MTUS1: variants seen among roughly 807,000 people sequenced by gnomAD.
MTUS1 encodes microtubule associated scaffold protein 1.
A neutral mutation model predicts 120.8 loss-of-function variants in MTUS1; 109 were observed. The ratio of observed to expected loss-of-function variants is 0.90; its 90% CI spans 0.77 to 1.06. MTUS1 has a LOEUF of 1.06. Ranked by LOEUF, MTUS1 falls within the 50% of genes least tolerant of loss-of-function variation. MTUS1 has a pLI of 0.00. For synonymous variants in MTUS1, 737 were observed against 550.5 expected, an observed-to-expected ratio of 1.34 and a Z score of -4.74; for missense variants, 2,210 against 1,486.3, an observed-to-expected ratio of 1.49 and a Z score of -8.01.
intron 2 of MTUS1, among the ~76,000 whole-genome samples, chr8:17,745,679 C>A (rs1388486566): frequency 1.3e-5 from 2 of 152,226 alleles, no homozygotes; most frequent in African/African-American, 4.8e-5. Context: ...TTCAATCCTT[C>A]CCCTGGGGGC....
chr8:17,745,665 A>C (rs2047687474), intron 2 of MTUS1, among the ~76,000 whole-genome samples: 1 of 152,214 alleles, frequency 6.6e-6, no homozygotes, highest in Non-Finnish European at 1.5e-5. Context: ...AATTCAAGCT[A>C]GTTTTCAATC....
chr8:17,792,932 A>C (rs2131590893), intron 1 of MTUS1, among the ~76,000 whole-genome samples: 1 of 152,334 alleles, frequency 6.6e-6, no homozygotes, highest in Non-Finnish European at 1.5e-5. Context: ...CATTAAATCA[A>C]GTTCAATAAC....
chr8:17,650,814 T>C (rs1351247389), intron 12 of MTUS1, among the ~76,000 whole-genome samples: 6 of 152,204 alleles, frequency 3.9e-5, no homozygotes, highest in Non-Finnish European at 7.3e-5. Context: ...CCTTGCTTTA[T>C]TCGGAAATTC....
intron 7 of MTUS1, among the ~76,000 whole-genome samples, chr8:17,682,464 G>C (rs1814753451): frequency 1.4e-5 from 2 of 143,636 alleles, no homozygotes; most frequent in Non-Finnish European, 3.0e-5. Flanking sequence ...GTTGCAGTGA[G>C]CCCAGATCAC....
intron 3 of MTUS1, among the ~76,000 whole-genome samples, chr8:17,727,318 C>T (rs140895897): frequency 5.1e-4 from 78 of 152,276 alleles, no homozygotes; most frequent in African/African-American, 1.7e-3. Context: ...GTCACATACC[C>T]GGCCAGTGAC....
intron 12 of MTUS1, among the ~76,000 whole-genome samples, chr8:17,651,210 G>A (rs932855825): frequency 3.3e-5 from 5 of 152,058 alleles, no homozygotes; most frequent in African/African-American, 4.8e-5. Context: ...GGGTGGGGTG[G>A]GATGAGGAGA....
At chr8:17,657,067 AAAAAAAAAAAAAAAG>A (rs1403760800) in intron 8 of MTUS1, among the ~76,000 whole-genome samples, 1 of 149,216 alleles carries the variant, frequency 6.7e-6, no homozygotes, top group African/African-American at 2.5e-5. Flanking sequence ...TCAAAAAAAA[AAAAAAAAAAAAAAAG>A]AAACAAGTGG....
At chr8:17,744,689 C>CTTTTTTTTTTTTTTTTTTTTTTTTTTTTT (rs58283163) in intron 2 of MTUS1, among the ~76,000 whole-genome samples, 9 of 99,024 alleles carry the variant, frequency 9.1e-5, no homozygotes, top group Admixed American at 2.3e-4. Context: ...ACCATGTTTT[C>CTTTTTTTTTTTTTTTTTTTTTTTTTTTTT]TTTTTTTTTT....
At chr8:17,771,399 G>A (rs2050013397) in intron 1 of MTUS1, among the ~76,000 whole-genome samples, 1 of 152,150 alleles carries the variant, frequency 6.6e-6, no homozygotes, top group African/African-American at 2.4e-5. Context: ...TGCTCCAATG[G>A]AATCAAATAC....
intron 3 of MTUS1, 53 bp downstream of exon 3, chr8:17,743,551 G>C (rs1457909338): frequency 6.5e-7 from 1 of 1,539,852 alleles, no homozygotes; most frequent in African/African-American, 1.4e-5. Context: ...AATCATGACT[G>C]TCCAATTTTA....
chr8:17,735,429 A>G (rs1277947391), intron 3 of MTUS1, among the ~76,000 whole-genome samples: 1 of 152,210 alleles, frequency 6.6e-6, no homozygotes, highest in Non-Finnish European at 1.5e-5. Context: ...GCACTCGTGC[A>G]AGTTTGTGTC....
At chr8:17,799,726 T>A (rs1295788476) in intron 1 of MTUS1, among the ~76,000 whole-genome samples, 2 of 152,174 alleles carry the variant, frequency 1.3e-5, no homozygotes, top group Non-Finnish European at 2.9e-5. Flanking sequence ...AAGCATGATT[T>A]TCTACCAAGC....
chr8:17,800,953 C>A (rs990014862), intron 1 of MTUS1, 108 bp downstream of exon 1: 2 of 152,404 alleles, frequency 1.3e-5, no homozygotes. Flanking sequence ...CCTGGAACGC[C>A]CCCTCCCCTC....
chr8:17,696,498 T>C (rs1006495449), intron 6 of MTUS1, among the ~76,000 whole-genome samples: 12 of 152,156 alleles, frequency 7.9e-5, no homozygotes, highest in Non-Finnish European at 1.3e-4. Flanking sequence ...AGCTAACATA[T>C]TTTACAGAAT....
chr8:17,683,194 C>T (rs907712722), intron 7 of MTUS1, among the ~76,000 whole-genome samples: 8 of 152,160 alleles, frequency 5.3e-5, no homozygotes, highest in African/African-American at 1.9e-4. Context: ...ATGGCATGAA[C>T]CCGGGAGATA....
At chr8:17,733,334 C>G (rs544718572) in intron 3 of MTUS1, among the ~76,000 whole-genome samples, 1 of 149,662 alleles carries the variant, frequency 6.7e-6, no homozygotes, top group African/African-American at 2.5e-5. Flanking sequence ...CTGGGCGACA[C>G]AGCAAGACTG....
chr8:17,747,844 T>A (rs1373946157), intron 2 of MTUS1, among the ~76,000 whole-genome samples: 3 of 152,060 alleles, frequency 2.0e-5, no homozygotes, highest in Non-Finnish European at 4.4e-5. Context: ...TGGGGAAGCC[T>A]CACAATCATG....
chr8:17,714,467 C>T (rs756261821), intron 5 of MTUS1, among the ~76,000 whole-genome samples: 1 of 152,114 alleles, frequency 6.6e-6, no homozygotes, highest in Non-Finnish European at 1.5e-5. Context: ...CCACAAGTAA[C>T]CAGAATCTGA....
rs61999336 is a variant in MTUS1, at chr8:17,654,646, C to G, written c.3129G>C (p.Ala1043=). The G allele has an allele frequency of 1.9e-6, 3 of 1,613,728 alleles. No homozygotes were observed. Among genetic ancestry groups the G allele is most frequent in the Middle Eastern group, 1.6e-4 (1 of 6,062 alleles). The change falls in exon 10 of 15, where the codon GCG becomes GCC. Residue 1043 remains alanine (A), a synonymous_variant. Transcript: ENST00000693296. The stretch of plus-strand genomic sequence containing the variant: ...CAATTTCCAACTTAGAGGTTTCATG[C>G]GCAGCATTTAAGTTGTCAAACTGTA... ...LQEQFDNLNA[A]HETSKLEIEA...
Sources: gnomAD v4.1 joint callset for allele counts (sites outside exome capture counted in the v4.1 genomes callset) on GRCh38, gnomAD v4.1.1 for gene constraint, MANE v1.5 for transcripts, NCBI Gene and HGNC (gene_info 2026-07-23, HGNC 2026-07-21) for gene names.